CDH4: variants seen among roughly 807,000 people sequenced by gnomAD.
The protein encoded by CDH4 is cadherin-4.
CDH4 carries 33 observed loss-of-function variants against 86.0 expected under a neutral mutation model. That is an observed-to-expected ratio of 0.38 (90% CI 0.29 to 0.51). CDH4 has a LOEUF of 0.51. Among genes scored for constraint, CDH4 ranks in the 20% least tolerant of loss-of-function variants. The probability of loss-of-function intolerance (pLI) is 0.86; values close to 1 mark genes in which losing one functional copy is unlikely to be tolerated. For missense variants in CDH4, 1,114 were observed against 1,307.4 expected, an observed-to-expected ratio of 0.85 and a Z score of 2.28; for synonymous variants, 555 against 549.4, an observed-to-expected ratio of 1.01 and a Z score of -0.14.
chr20:61,692,429 ATCT>A (rs1405786615), intron 2 of CDH4, among the ~76,000 whole-genome samples: 2 of 152,354 alleles, frequency 1.3e-5, no homozygotes, highest in Non-Finnish European at 2.9e-5. Flanking sequence ...TCTGGTTAAC[ATCT>A]TCTTAAAGAG....
rs2084175288 is a variant in CDH4, at chr20:61,269,925, C to T, written c.169+14988C>T. On this transcript the variant is annotated intron_variant, in intron 2 of 15. Transcript: ENST00000614565. The surrounding 1 kb of genome is among the most constrained non-coding windows in gnomAD (Gnocchi z 5.3). ...ATGACCTTAAGCTCCCCTGACCAATCTCCTCCAGAATCTGGCCCCCAGATG... is the reference window on the plus strand; with the variant it reads ...ATGACCTTAAGCTCCCCTGACCAATTTCCTCCAGAATCTGGCCCCCAGATG... Among the ~76,000 whole-genome samples, 1 of 152,352 alleles carries T rather than the reference C, an allele frequency of 6.6e-6. No individual in the cohort carries two copies. Among genetic ancestry groups the T allele is most frequent in the East Asian group, 1.9e-4 (1 of 5,178 alleles).
At chr20:61,339,890 C>T (rs2084640915) in intron 2 of CDH4, among the ~76,000 whole-genome samples, 1 of 152,184 alleles carries the variant, frequency 6.6e-6, no homozygotes, top group Non-Finnish European at 1.5e-5. Flanking sequence ...GAGCAACTGA[C>T]TTAGAATGTT....
intron 8 of CDH4, among the ~76,000 whole-genome samples, chr20:61,901,493 C>T (rs1161628931): frequency 1.3e-5 from 2 of 152,254 alleles, no homozygotes; most frequent in South Asian, 2.1e-4. Context: ...CTCCCAGCCC[C>T]GTCGGGGGGC....
chr20:61,365,333 T>C (rs2123326005), intron 2 of CDH4, among the ~76,000 whole-genome samples: 1 of 152,284 alleles, frequency 6.6e-6, no homozygotes, highest in Non-Finnish European at 1.5e-5. Flanking sequence ...TGGCTTCTCT[T>C]TGTGTTTGCA....
At chr20:61,559,727 CA>C (rs1302996179) in intron 2 of CDH4, among the ~76,000 whole-genome samples, 1 of 151,874 alleles carries the variant, frequency 6.6e-6, no homozygotes. Flanking sequence ...CCATGTTGAC[CA>C]AGCTGATCTT....
Position 61,517,819 on chromosome 20 carries a change from C to T in CDH4, c.170-225744C>T, listed in dbSNP as rs574434328. On this transcript the variant is annotated intron_variant, in intron 2 of 15. Coordinates refer to ENST00000614565, the MANE Select transcript of CDH4 (RefSeq NM_001794.5). This position sits in a 1 kb window ranked among gnomAD's most constrained non-coding sequence, Gnocchi z 6.6. ...AATACGTGGTCAGTCCAGGGTTCAT[C>T]GTTTTAGCTGAGTTACCTCTTATTT... 6.6e-6 allele frequency among the ~76,000 whole-genome samples: 1 copy of T among 152,328 alleles called. No individual in the cohort carries two copies. Among genetic ancestry groups the T allele is most frequent in the Non-Finnish European group, 1.5e-5 (1 of 68,020 alleles).
intron 2 of CDH4, among the ~76,000 whole-genome samples, chr20:61,685,670 T>C (rs2087565919): frequency 6.6e-6 from 1 of 152,212 alleles, no homozygotes; most frequent in South Asian, 2.1e-4. Flanking sequence ...CCACACCCCT[T>C]TGCACAGAGT....
chr20:61,890,012 G>A (rs1022377081), intron 7 of CDH4, among the ~76,000 whole-genome samples: 2 of 150,424 alleles, frequency 1.3e-5, no homozygotes, highest in Non-Finnish European at 3.0e-5. Flanking sequence ...TGGGTGGATG[G>A]ATCAATGATG....
At chr20:61,700,954 G>A (rs922943042) in intron 2 of CDH4, among the ~76,000 whole-genome samples, 8 of 152,212 alleles carry the variant, frequency 5.3e-5, no homozygotes, top group South Asian at 2.1e-4. Context: ...TTCCAGGGCC[G>A]CCATAACAGA....
intron 2 of CDH4, chr20:61,599,927 A>AG (rs1005368510): frequency 1.0e-6 from 1 of 985,422 alleles, no homozygotes; most frequent in Non-Finnish European, 1.2e-6. Context: ...AAGGAGTCCC[A>AG]GCCACAGGGT....
chr20:61,709,120 C>T lies in CDH4; in HGVS notation c.170-34443C>T, dbSNP rs979974995. On this transcript the variant is annotated intron_variant, in intron 2 of 15. Transcript: ENST00000614565. This position sits in a 1 kb window ranked among gnomAD's most constrained non-coding sequence, Gnocchi z 4.8. The stretch of plus-strand genomic sequence containing the variant: ...ACCCCAAAGCCTCGGGTCCCAGTGG[C>T]GTAGCGGCCGCCCAAATGATGAGCC... Among the ~76,000 whole-genome samples the T allele has an allele frequency of 1.8e-4, 27 of 152,246 alleles. 1 individual carries two copies. The highest frequency in any genetic ancestry group is 8.5e-4 in the Admixed American group (13 of 15,292).
intron 2 of CDH4, among the ~76,000 whole-genome samples, chr20:61,414,180 C>T (rs2085134652): frequency 1.3e-5 from 2 of 152,240 alleles, no homozygotes; most frequent in Admixed American, 1.3e-4. Flanking sequence ...GGGGTTAAGA[C>T]TCAGCATATG....
intron 2 of CDH4, among the ~76,000 whole-genome samples, chr20:61,609,435 T>G (rs1335293019): frequency 6.8e-6 from 1 of 146,828 alleles, no homozygotes; most frequent in Non-Finnish European, 1.5e-5. Context: ...CAGAAGGTTG[T>G]TTTTTTTCTT....
intron 2 of CDH4, among the ~76,000 whole-genome samples, chr20:61,390,116 C>T (rs6061285): frequency 0.34 from 50,210 of 146,234 alleles, 9,257 homozygotes; most frequent in East Asian, 0.76. Flanking sequence ...ATAGGGTGCC[C>T]ATAGTGCCAT....
At chr20:61,650,275 T>C (rs1256784756) in intron 2 of CDH4, among the ~76,000 whole-genome samples, 1 of 152,208 alleles carries the variant, frequency 6.6e-6, no homozygotes, top group Non-Finnish European at 1.5e-5. Flanking sequence ...TGACCTCGTT[T>C]ACTGTTCAAG....
chr20:61,930,194 T>C (rs1380737034), intron 13 of CDH4, among the ~76,000 whole-genome samples: 2 of 152,120 alleles, frequency 1.3e-5, no homozygotes, highest in Non-Finnish European at 2.9e-5. Context: ...AGAGGGAAGG[T>C]CAGCCCTGCC....
rs752665532 is a variant in CDH4, at chr20:61,934,129, G to A, written c.2453G>A (p.Arg818His). The A allele has an allele frequency of 9.9e-6, 16 of 1,610,958 alleles. No individual in the cohort carries two copies. Among genetic ancestry groups the A allele is most frequent in the East Asian group, 4.5e-5 (2 of 44,864 alleles). The stretch of plus-strand genomic sequence containing the variant: ...CCAAGCAAAGCCCCTGGCGTGCGTC[G>A]CGTGGATGAGCGGCCGGTGGGCGCT... ...HVPSKAPGVR[R>H]VDERPVGAEP... Residue 818 changes from arginine to histidine, a missense_variant, in exon 15 of 16, where the codon CGC becomes CAC. Physicochemically the swap from Arg to His is conservative, Grantham distance 29. Transcript: ENST00000614565.
intron 2 of CDH4, among the ~76,000 whole-genome samples, chr20:61,655,965 C>T (rs950311157): frequency 2.0e-5 from 3 of 152,034 alleles, no homozygotes; most frequent in Admixed American, 6.5e-5. Context: ...GTGAGAGGCT[C>T]GAGGGTGACA....
At chr20:61,590,107 G>A (rs1456912493) in intron 2 of CDH4, among the ~76,000 whole-genome samples, 1 of 151,112 alleles carries the variant, frequency 6.6e-6, no homozygotes, top group Non-Finnish European at 1.5e-5. Flanking sequence ...GCAACAGGAA[G>A]CACAGGAGCT....
Sources: gnomAD v4.1 joint callset for allele counts (sites outside exome capture counted in the v4.1 genomes callset) on GRCh38, gnomAD v4.1.1 for gene constraint, Gnocchi (gnomAD v3.1) non-coding constraint, MANE v1.5 for transcripts, NCBI Gene and HGNC (gene_info 2026-07-23, HGNC 2026-07-21) for gene names.